DAB1: variants seen among roughly 807,000 people sequenced by gnomAD.
The protein encoded by DAB1 is disabled homolog 1.
Under a neutral mutation model 64.6 loss-of-function variants are expected in DAB1, and 15 were observed. The observed-to-expected ratio is 0.23, with a 90% CI of 0.16 to 0.36. The LOEUF (loss-of-function observed/expected upper bound fraction) is 0.36, where lower values mean the gene tolerates loss of function less well. Among genes scored for constraint, DAB1 ranks in the 10% least tolerant of loss-of-function variants. The pLI, the probability that DAB1 is intolerant of heterozygous loss-of-function variation, is 1.00. For missense variants in DAB1, 596 were observed against 706.7 expected (o/e 0.84, Z 1.78); for synonymous variants, 235 against 251.9 (o/e 0.93, Z 0.64).
At chr1:57,511,900 G>A (rs1033403848) in intron 7 of DAB1, among the ~76,000 whole-genome samples, 59 of 152,222 alleles carry the variant, frequency 3.9e-4, no homozygotes, top group African/African-American at 1.3e-3. Context: ...GGTCACTCAC[G>A]GCTCTACGTT....
At chr1:57,891,681 G>A (rs1041572913) in intron 5 of DAB1, among the ~76,000 whole-genome samples, 1 of 152,172 alleles carries the variant, frequency 6.6e-6, no homozygotes, top group Non-Finnish European at 1.5e-5. Context: ...TAAAAAGGAT[G>A]AGTTCATGTC....
intron 3 of DAB1, among the ~76,000 whole-genome samples, chr1:58,445,257 T>C (rs773979505): frequency 6.6e-6 from 1 of 152,264 alleles, no homozygotes; most frequent in Non-Finnish European, 1.5e-5. Flanking sequence ...TAGTGCATGG[T>C]AAATTCATTA....
chr1:57,518,179 G>A (rs542296409), intron 7 of DAB1, among the ~76,000 whole-genome samples: 3 of 150,656 alleles, frequency 2.0e-5, no homozygotes, highest in South Asian at 4.2e-4. Flanking sequence ...AAACTTAATT[G>A]TCGTTGTCGT....
intron 7 of DAB1, among the ~76,000 whole-genome samples, chr1:57,583,773 A>G (rs1243640079): frequency 1.3e-5 from 2 of 152,202 alleles, no homozygotes; most frequent in Non-Finnish European, 2.9e-5. Context: ...CACATGGGAT[A>G]GTGGTGGAAA....
chr1:57,543,127 C>A (rs919917693), intron 7 of DAB1, among the ~76,000 whole-genome samples: 1 of 152,196 alleles, frequency 6.6e-6, no homozygotes, highest in African/African-American at 2.4e-5. Flanking sequence ...AGCTAAGCTG[C>A]TCCTGGACTC....
chr1:57,490,425 A>G (rs978323168), intron 7 of DAB1, among the ~76,000 whole-genome samples: 2 of 152,162 alleles, frequency 1.3e-5, no homozygotes, highest in Non-Finnish European at 2.9e-5. Context: ...AGCAATAATT[A>G]TAATTTGGTG....
chr1:57,441,760 G>C (rs919842768), intron 7 of DAB1, among the ~76,000 whole-genome samples: 13 of 152,178 alleles, frequency 8.5e-5, no homozygotes, highest in African/African-American at 3.1e-4. Context: ...ATGAGTGCAG[G>C]TGTCTTTTTG....
At chr1:57,562,759 G>A (rs1348125520) in intron 7 of DAB1, among the ~76,000 whole-genome samples, 1 of 152,162 alleles carries the variant, frequency 6.6e-6, no homozygotes, top group Non-Finnish European at 1.5e-5. Flanking sequence ...TAGTTCCAGA[G>A]GGAGAGATGC....
At chr1:58,265,987 C>G (rs1249735956) in intron 4 of DAB1, among the ~76,000 whole-genome samples, 4 of 151,944 alleles carry the variant, frequency 2.6e-5, no homozygotes, top group African/African-American at 9.7e-5. Flanking sequence ...TTTTTGATCA[C>G]TTCAATTTAT....
chr1:57,987,658 A>C (rs1300910776), intron 5 of DAB1, among the ~76,000 whole-genome samples: 1 of 152,128 alleles, frequency 6.6e-6, no homozygotes, highest in Non-Finnish European at 1.5e-5. Context: ...TCAGCTCTGA[A>C]ATGGAGATGA....
Position 58,068,127 on chromosome 1 carries a change from A to T in DAB1, n.387+82384T>A, listed in dbSNP as rs1570307704. Among the ~76,000 whole-genome samples the T allele has an allele frequency of 1.3e-5, 2 of 152,366 alleles. 1 individual carries two copies. The highest frequency in any genetic ancestry group is 4.1e-4 in the South Asian group (2 of 4,830). ...AGAAGGTAAAATTCAGGGAAGGCTC[A>T]CATTGGGTCCGTGAAGAGCACTAGT... On this transcript the variant is annotated intron_variant and non_coding_transcript_variant, in intron 5 of 20. Transcript: ENST00000485760.
rs375907688 is a variant in DAB1 at position 58,056,523 on chromosome 1, G to A, written n.387+93988C>T. 6 of 1,027,950 alleles carry A rather than the reference G, an allele frequency of 5.8e-6. No homozygotes were observed. In the African/African-American group the frequency reaches 8.0e-5, roughly 14 times the overall value. The allele number at this position is 1,027,950 out of a possible 1,614,324, so 63.7% of individuals were successfully genotyped here. The stretch of plus-strand genomic sequence containing the variant: ...GAGAGAGCTCATGTGCATTCTTAAT[G>A]TTGGGTTATGTCACCTTGCTCATCA... On this transcript the variant is annotated intron_variant and non_coding_transcript_variant, in intron 5 of 20. Coordinates refer to the DAB1 transcript ENST00000485760.
chr1:57,011,376 G>T, intron 12 of DAB1, 104 bp from the exon 13 acceptor site: 1 of 1,325,048 alleles, frequency 7.5e-7, no homozygotes, highest in Non-Finnish European at 1.0e-6. Flanking sequence ...CAAATCTTAG[G>T]ATTCCTCTTC....
At chr1:57,730,541 T>C (rs924734640) in intron 6 of DAB1, among the ~76,000 whole-genome samples, 4 of 151,078 alleles carry the variant, frequency 2.6e-5, no homozygotes, top group Non-Finnish European at 4.4e-5. Flanking sequence ...GAAGGGGGAG[T>C]TTTGGAAGGA....
intron 3 of DAB1, among the ~76,000 whole-genome samples, chr1:58,363,436 T>G (rs1467261843): frequency 6.6e-6 from 1 of 152,178 alleles, no homozygotes; most frequent in African/African-American, 2.4e-5. Context: ...GCGAGGCAAC[T>G]GGTGTGGTCT....
chr1:58,491,323 A>C (rs1645684732), intron 3 of DAB1, among the ~76,000 whole-genome samples: 1 of 152,196 alleles, frequency 6.6e-6, no homozygotes, highest in African/African-American at 2.4e-5. Context: ...CCAAATTGTA[A>C]AGACCATCAA....
chr1:57,700,674 G>T (rs1276923132), intron 6 of DAB1, among the ~76,000 whole-genome samples: 1 of 152,024 alleles, frequency 6.6e-6, no homozygotes, highest in Non-Finnish European at 1.5e-5. Flanking sequence ...TTCTTATTTG[G>T]GTTAAATCTG....
chr1:57,363,876 C>A (rs1237577849), intron 1 of DAB1, among the ~76,000 whole-genome samples: 1 of 152,184 alleles, frequency 6.6e-6, no homozygotes, highest in Non-Finnish European at 1.5e-5. Context: ...CATGCCCCAG[C>A]ACAGCACAGA....
At chr1:57,623,431 C>A (rs571706564) in intron 7 of DAB1, among the ~76,000 whole-genome samples, 3 of 152,154 alleles carry the variant, frequency 2.0e-5, no homozygotes, top group African/African-American at 7.2e-5. Context: ...CCTTCAACGG[C>A]AATTAATAAC....
Sources: allele counts gnomAD v4.1 joint callset (sites outside exome capture counted in the v4.1 genomes callset), GRCh38; gene constraint gnomAD v4.1.1; transcripts MANE v1.5; gene names NCBI Gene and HGNC (gene_info 2026-07-23, HGNC 2026-07-21).